The following ZDHHC23 variants were observed in gnomAD, a reference collection of about 807,000 sequenced individuals.
ZDHHC23 encodes palmitoyltransferase ZDHHC23.
ZDHHC23 carries 41 observed loss-of-function variants against 40.2 expected under a neutral mutation model. That is an observed-to-expected ratio of 1.02 (90% CI 0.79 to 1.32). The LOEUF (loss-of-function observed/expected upper bound fraction) is 1.32. ZDHHC23 is among the 40% of genes most tolerant of loss of function. ZDHHC23 has a pLI of 0.00. For missense variants in ZDHHC23, 471 were observed against 541.5 expected (o/e 0.87, Z 1.29); for synonymous variants, 204 against 210.2 (o/e 0.97, Z 0.26).
At chr3:113,957,953 G>A (rs1412998599) in intron 4 of ZDHHC23, 3 of 392,590 alleles carry the variant, frequency 7.6e-6, no homozygotes, top group South Asian at 2.0e-5. Context: ...ACTGTTCCTC[G>A]GCATCCACCT....
chr3:113,952,131 C>CTT (rs1938730358), intron 2 of ZDHHC23, among the ~76,000 whole-genome samples: 1 of 151,762 alleles, frequency 6.6e-6, no homozygotes, highest in African/African-American at 2.4e-5. Context: ...GAGCAAAACT[C>CTT]TGTCTCAAAA....
At chr3:113,957,479 G>A (rs1939342311) in intron 4 of ZDHHC23, 1 of 355,930 alleles carries the variant, frequency 2.8e-6, no homozygotes, top group Admixed American at 3.8e-5. Flanking sequence ...CTCTGCTAAC[G>A]CTGCAGGTGA....
downstream of ZDHHC23, among the ~76,000 whole-genome samples, chr3:113,968,145 T>C (rs757899465): frequency 2.0e-5 from 3 of 152,218 alleles, no homozygotes; most frequent in Non-Finnish European, 4.4e-5. Flanking sequence ...TTTGGAGATA[T>C]ACCTATTAGT....
Position 113,959,013 on chromosome 3 carries a change from G to T in ZDHHC23, c.*383G>T. 1 of 1,123,700 alleles carries T rather than the reference G, an allele frequency of 8.9e-7. No homozygotes were observed. 69.6% of individuals were successfully genotyped at this position (1,123,700 alleles called of 1,614,324 possible). A position where few individuals can be genotyped will look rare whatever the true frequency, so the allele number is the denominator to read the frequency against. On this transcript the variant is annotated 3_prime_UTR_variant, in exon 5 of 5. Transcript: ENST00000638807. ...CTTAATAGCCATGTGACCCCTAGCT[G>T]AGTCACTTTCCCAAGTCTCAGGGTC... is the stretch of plus-strand genomic sequence containing the variant.
the ZDHHC23 span, among the ~76,000 whole-genome samples, chr3:113,975,522 G>A: frequency 1.3e-5 from 2 of 152,160 alleles, no homozygotes; most frequent in Non-Finnish European, 2.9e-5. Flanking sequence ...TGTTACCTAT[G>A]TACTGAGCGC....
the ZDHHC23 span, among the ~76,000 whole-genome samples, chr3:113,974,876 T>C: frequency 2.6e-5 from 4 of 152,212 alleles, no homozygotes; most frequent in Non-Finnish European, 5.9e-5. Context: ...ATCTCTCTCT[T>C]TCTCTCTAAT....
chr3:113,978,230 G>T, the ZDHHC23 span: 1 of 1,613,962 alleles, frequency 6.2e-7, no homozygotes, highest in Non-Finnish European at 8.5e-7. Context: ...CCTGAGAATC[G>T]ATCTTCACCT....
chr3:113,969,928 T>C (rs556177072), downstream of ZDHHC23, among the ~76,000 whole-genome samples: 2 of 152,298 alleles, frequency 1.3e-5, no homozygotes, highest in East Asian at 3.9e-4. Flanking sequence ...AATCTGTAAA[T>C]TGCTTTGGGT....
chr3:113,960,255 A>G lies in ZDHHC23; in HGVS notation c.*1625A>G. 1 of 1,016,316 alleles carries G rather than the reference A, an allele frequency of 9.8e-7. No homozygotes were observed. The highest frequency in any genetic ancestry group is 1.2e-6 in the Non-Finnish European group (1 of 849,632). The allele number at this position is 1,016,316 out of a possible 1,614,324, so 63.0% of individuals were successfully genotyped here. Reference sequence around the variant, plus strand: ...TGGAGCTGTCCTTAAGATGGTCACCATATTCTTATTCAGGCTGTTGTCATT... The same window carrying G: ...TGGAGCTGTCCTTAAGATGGTCACCGTATTCTTATTCAGGCTGTTGTCATT... On this transcript the variant is annotated 3_prime_UTR_variant, in exon 5 of 5. Transcript: ENST00000638807.
chr3:113,974,526 G>A, the ZDHHC23 span, among the ~76,000 whole-genome samples: 1 of 150,568 alleles, frequency 6.6e-6, no homozygotes, highest in Admixed American at 6.7e-5. Context: ...CACCATGTTG[G>A]CCAGGCTGGT....
rs1191255008 is a variant in ZDHHC23, at chr3:113,948,715, C to G, written c.-88C>G. ...TGGAGGTTAAGCAGAGAGAGAGAGG[C>G]GTGGACCTATTTACGAGATGTAAGT... On this transcript the variant is annotated 5_prime_UTR_variant, in exon 2 of 5. Transcript: ENST00000638807. 12 of 1,479,650 alleles carry G rather than the reference C, an allele frequency of 8.1e-6. No individual in the cohort carries two copies. The African/African-American group carries it at 1.5e-4, about 19-fold the overall frequency. 91.7% of individuals were successfully genotyped at this position (1,479,650 alleles called of 1,614,324 possible). A position where few individuals can be genotyped will look rare whatever the true frequency, so the allele number is the denominator to read the frequency against.
Position 113,960,519 on chromosome 3 carries a change from C to T in ZDHHC23, c.*1889C>T. The T allele has an allele frequency of 7.1e-7, 1 of 1,408,590 alleles. No individual in the cohort carries two copies. The highest frequency in any genetic ancestry group is 9.2e-7 in the Non-Finnish European group (1 of 1,089,354). The allele number at this position is 1,408,590 out of a possible 1,614,324, so 87.3% of individuals were successfully genotyped here. ...TGGTAGTCGTGCTTTTGAATGTCAG[C>T]TGTAGAGCCAACTCTGATTATCTAG... On this transcript the variant is annotated 3_prime_UTR_variant, in exon 5 of 5. Coordinates refer to ENST00000638807, the MANE Select transcript of ZDHHC23 (RefSeq NM_001320466.2).
chr3:113,970,129 T>C (rs1940650180), downstream of ZDHHC23, among the ~76,000 whole-genome samples: 2 of 152,202 alleles, frequency 1.3e-5, no homozygotes, highest in African/African-American at 4.8e-5. Context: ...GGGATTGTTT[T>C]CTTCTTTTTC....
At chr3:113,955,449 T>G (rs897823205) in intron 3 of ZDHHC23, among the ~76,000 whole-genome samples, 2 of 152,066 alleles carry the variant, frequency 1.3e-5, no homozygotes, top group Non-Finnish European at 2.9e-5. Flanking sequence ...ACAGCAGATA[T>G]GTGCCCACTG....
chr3:113,958,012 C>T (rs1306528159), intron 4 of ZDHHC23, among the ~76,000 whole-genome samples: 1 of 152,120 alleles, frequency 6.6e-6, no homozygotes, highest in Non-Finnish European at 1.5e-5. Flanking sequence ...CCTTTGTTTT[C>T]TCATGAGTTA....
At chr3:113,965,746 T>TGG (rs896818751), downstream of ZDHHC23, among the ~76,000 whole-genome samples, 3 of 152,086 alleles carry the variant, frequency 2.0e-5, no homozygotes, top group African/African-American at 4.8e-5. Flanking sequence ...CCTGCCACCA[T>TGG]GCCTGGCTAA....
rs9848479 is a variant in ZDHHC23, at chr3:113,960,203, A to T, written c.*1573A>T. 2.0e-6 allele frequency: 2 copies of T among 990,838 alleles called. No individual in the cohort carries two copies. The highest frequency in any genetic ancestry group is 3.5e-5 in the African/African-American group (2 of 57,196). 61.4% of individuals were successfully genotyped at this position (990,838 alleles called of 1,614,324 possible). On this transcript the variant is annotated 3_prime_UTR_variant, in exon 5 of 5. Coordinates refer to ENST00000638807, the MANE Select transcript of ZDHHC23 (RefSeq NM_001320466.2). ...TCCTGCACTTCCACCCTCTGCAGCCAGCACCGTCCCTACTGTTGCCATTAA... is the reference window on the plus strand; with the variant it reads ...TCCTGCACTTCCACCCTCTGCAGCCTGCACCGTCCCTACTGTTGCCATTAA...
intron 4 of ZDHHC23, chr3:113,957,726 T>C (rs1411732358): frequency 3.9e-6 from 2 of 518,544 alleles, no homozygotes; most frequent in East Asian, 5.5e-5. Flanking sequence ...TGGAAAATCA[T>C]CAAATGGCAG....
At chr3:113,978,198 T>G in the ZDHHC23 span, 1 of 1,614,044 alleles carries the variant, frequency 6.2e-7, no homozygotes, top group Non-Finnish European at 8.5e-7. Flanking sequence ...GTCACTGTGC[T>G]CCGCTGCAAT....
Sources: gnomAD v4.1 joint callset for allele counts (sites outside exome capture counted in the v4.1 genomes callset) on GRCh38, gnomAD v4.1.1 for gene constraint, MANE v1.5 for transcripts, NCBI Gene and HGNC (gene_info 2026-07-23, HGNC 2026-07-21) for gene names.